The following CACNB2 variants were observed in gnomAD, a reference collection of about 807,000 sequenced individuals.
CACNB2 encodes the protein voltage-dependent L-type calcium channel subunit beta-2.
A neutral mutation model predicts 73.3 loss-of-function variants in CACNB2; 42 were observed. The ratio of observed to expected loss-of-function variants is 0.57; its 90% CI spans 0.45 to 0.74. CACNB2 has a LOEUF of 0.74. Among genes scored for constraint, CACNB2 ranks in the 30% least tolerant of loss-of-function variants. The pLI, the probability that CACNB2 is intolerant of heterozygous loss-of-function variation, is 0.00. For missense variants in CACNB2, 940 were observed against 853.0 expected (o/e 1.10, Z -1.27); for synonymous variants, 348 against 310.3 (o/e 1.12, Z -1.28).
chr10:18,268,048 G>C (rs1444230121), intron 2 of CACNB2, among the ~76,000 whole-genome samples: 1 of 152,206 alleles, frequency 6.6e-6, no homozygotes, highest in South Asian at 2.1e-4. Context: ...AATGTGAACT[G>C]TTTCAATTGT....
intron 3 of CACNB2, among the ~76,000 whole-genome samples, chr10:18,418,352 A>G (rs1253385760): frequency 6.6e-6 from 1 of 152,232 alleles, no homozygotes; most frequent in Non-Finnish European, 1.5e-5. Context: ...AGGAAGGAAA[A>G]TGAATCGCAC....
chr10:18,352,161 A>T (rs1007826632), intron 2 of CACNB2, among the ~76,000 whole-genome samples: 1 of 152,254 alleles, frequency 6.6e-6, no homozygotes, highest in Admixed American at 6.5e-5. Flanking sequence ...TGCGTACTTC[A>T]TTCTTATCCT....
At chr10:18,160,694 G>C (rs569351166) in intron 2 of CACNB2, among the ~76,000 whole-genome samples, 2 of 152,108 alleles carry the variant, frequency 1.3e-5, no homozygotes, top group African/African-American at 4.8e-5. Context: ...TTGTGTCTCA[G>C]GTCTTCCCAG....
rs1254269689 is a variant in CACNB2 at position 18,539,584 on chromosome 10, G to C, written c.1843G>C (p.Glu615Gln). Residue 615 changes from glutamate to glutamine, a missense_variant, in exon 14 of 14, where the codon GAG becomes CAG. Glu to Gln is a conservative substitution (Grantham distance 29). Coordinates refer to ENST00000324631, the MANE Select transcript of CACNB2 (RefSeq NM_201596.3). ...SRHRSRDVDR[E>Q]QDHNECNKQR... ...GCACCGTTCCCGGGACGTGGATCGA[G>C]AGCAGGACCACAACGAGTGCAACAA... The C allele has an allele frequency of 1.9e-6, 3 of 1,613,794 alleles. No individual in the cohort carries two copies. The highest frequency in any genetic ancestry group is 1.1e-5 in the South Asian group (1 of 91,050).
chr10:18,457,617 G>A (rs776177458), intron 3 of CACNB2, among the ~76,000 whole-genome samples: 13 of 152,018 alleles, frequency 8.6e-5, no homozygotes, highest in East Asian at 1.9e-4. Flanking sequence ...AGGGCCGGTC[G>A]CGGTGGCTCA....
At chr10:18,314,174 T>C (rs1470757463) in intron 2 of CACNB2, among the ~76,000 whole-genome samples, 1 of 152,226 alleles carries the variant, frequency 6.6e-6, no homozygotes. Flanking sequence ...TTCCCGATAT[T>C]GTGGTTAATA....
intron 3 of CACNB2, among the ~76,000 whole-genome samples, chr10:18,464,856 G>A (rs2047789219): frequency 1.3e-5 from 2 of 152,240 alleles, no homozygotes; most frequent in Non-Finnish European, 2.9e-5. Flanking sequence ...GTTAGAACAT[G>A]CAGATTCTAG....
At position 18,539,380 on chromosome 10, in the gene CACNB2, C is replaced by T. The variant is rs774654438; in HGVS notation, c.1639C>T (p.Arg547Cys). 4.4e-5 allele frequency: 71 copies of T among 1,613,932 alleles called. No homozygotes were observed. The highest frequency in any genetic ancestry group is 5.9e-5 in the Non-Finnish European group (70 of 1,180,028). The change falls in exon 14 of 14, where the codon CGC (arginine) becomes TGC (cysteine). Residue 547 changes from arginine to cysteine, a missense_variant. Physicochemically the swap from Arg to Cys is radical, Grantham distance 180 (BLOSUM62 -3). Transcript: ENST00000324631. ...CCACAACCATCGCAGTGGGACAAGT[C>T]GCGGCCTCTCCAGGCAAGAGACATT... ...PHHNHRSGTSRGLSRQETFDS... is the reference protein window; with the variant it reads ...PHHNHRSGTSCGLSRQETFDS...
At chr10:18,515,725 C>A (rs1431373179) in intron 7 of CACNB2, among the ~76,000 whole-genome samples, 1 of 152,232 alleles carries the variant, frequency 6.6e-6, no homozygotes, top group Non-Finnish European at 1.5e-5. Context: ...CTTCTTGTTA[C>A]AGCTAAAGCT....
chr10:18,169,798 G>A (rs892856526), intron 2 of CACNB2, among the ~76,000 whole-genome samples: 1 of 152,112 alleles, frequency 6.6e-6, no homozygotes, highest in South Asian at 2.1e-4. Flanking sequence ...AGGGAAAACA[G>A]GGTACATCAG....
chr10:18,151,643 A>G (rs967591025), intron 2 of CACNB2, among the ~76,000 whole-genome samples: 1 of 152,200 alleles, frequency 6.6e-6, no homozygotes, highest in Non-Finnish European at 1.5e-5. Flanking sequence ...GCATAGAGGC[A>G]GCTGGACCTC....
chr10:18,410,863 C>A (rs1326338979), intron 3 of CACNB2, among the ~76,000 whole-genome samples: 2 of 152,004 alleles, frequency 1.3e-5, no homozygotes, highest in African/African-American at 2.4e-5. Flanking sequence ...ACCTGTAATC[C>A]CAACTACTCT....
At chr10:18,478,185 G>C (rs771197979) in intron 3 of CACNB2, among the ~76,000 whole-genome samples, 5 of 152,208 alleles carry the variant, frequency 3.3e-5, no homozygotes, top group Non-Finnish European at 7.3e-5. Context: ...TCCCACCTCA[G>C]CCTCCGAAGG....
intron 2 of CACNB2, among the ~76,000 whole-genome samples, chr10:18,373,951 A>G (rs1336800306): frequency 6.6e-6 from 1 of 152,220 alleles, no homozygotes; most frequent in East Asian, 1.9e-4. Context: ...GTGTAGAGGA[A>G]TAGAAGCAAA....
At chr10:18,313,817 C>T (rs2040053902) in intron 2 of CACNB2, among the ~76,000 whole-genome samples, 1 of 152,200 alleles carries the variant, frequency 6.6e-6, no homozygotes, top group Non-Finnish European at 1.5e-5. Flanking sequence ...TATGTTCCCA[C>T]ACTAGCGAAA....
intron 3 of CACNB2, among the ~76,000 whole-genome samples, 188 bp from the exon 4 acceptor site, chr10:18,498,167 G>A (rs1250803463): frequency 2.0e-5 from 3 of 152,170 alleles, no homozygotes; most frequent in African/African-American, 7.2e-5. Flanking sequence ...TGGGTGTTAT[G>A]TAGCTCACAG....
intron 2 of CACNB2, among the ~76,000 whole-genome samples, chr10:18,294,173 A>ATG (rs2039182751): frequency 6.6e-6 from 1 of 152,188 alleles, no homozygotes; most frequent in South Asian, 2.1e-4. Flanking sequence ...GCTTCACTCC[A>ATG]TGTGATAAAC....
intron 2 of CACNB2, among the ~76,000 whole-genome samples, chr10:18,231,657 T>C (rs189131540): frequency 1.1e-4 from 17 of 152,342 alleles, no homozygotes; most frequent in Middle Eastern, 6.8e-3. Flanking sequence ...AAGTGATTGA[T>C]TGACAGCTGT....
At chr10:18,388,298 T>C (rs767064003) in intron 2 of CACNB2, among the ~76,000 whole-genome samples, 5 of 152,214 alleles carry the variant, frequency 3.3e-5, no homozygotes, top group Non-Finnish European at 7.3e-5. Flanking sequence ...ATAGTCTAGA[T>C]TTTCTAATAT....
Sources: allele counts gnomAD v4.1 joint callset (sites outside exome capture counted in the v4.1 genomes callset), GRCh38; gene constraint gnomAD v4.1.1; transcripts MANE v1.5; gene names NCBI Gene and HGNC (gene_info 2026-07-23, HGNC 2026-07-21).